Variants in LRP1B observed in about 807,000 individuals in gnomAD.
The protein encoded by LRP1B is LDL receptor related protein 1B.
Under a neutral mutation model 556.6 loss-of-function variants are expected in LRP1B, and 217 were observed. The observed-to-expected ratio is 0.39, with a 90% CI of 0.35 to 0.44. LRP1B has a LOEUF of 0.44. Among genes scored for constraint, LRP1B ranks in the 20% least tolerant of loss-of-function variants. The pLI is 1.00. For synonymous variants in LRP1B, 2,047 were observed against 1,865.8 expected (o/e 1.10, Z -2.50); for missense variants, 5,053 against 5,620.8 (o/e 0.90, Z 3.23).
chr2:141,820,886 T>C (rs1171668901), intron 1 of LRP1B, among the ~76,000 whole-genome samples: 2 of 152,356 alleles, frequency 1.3e-5, no homozygotes, highest in African/African-American at 4.8e-5. Context: ...TCCTGGAATC[T>C]GTGAATATGT....
In LRP1B at chr2:141,880,012, C is replaced by T. The variant is rs114799579; in HGVS notation, c.83-69611G>A. On this transcript the variant is annotated intron_variant, in intron 1 of 90. Coordinates refer to ENST00000389484, the MANE Select transcript of LRP1B (RefSeq NM_018557.3). Reference sequence around the variant, plus strand: ...TCTTCTATTGCCTTAAAATTCTATACCCTCCCATACTTCAGCTAATAACCT... The same window carrying T: ...TCTTCTATTGCCTTAAAATTCTATATCCTCCCATACTTCAGCTAATAACCT... Among the ~76,000 whole-genome samples the T allele has an allele frequency of 5.7e-3, 853 of 150,680 alleles. 5 individuals carry two copies. The highest frequency in any genetic ancestry group is 9.3e-3 in the Non-Finnish European group (629 of 67,534).
intron 2 of LRP1B, among the ~76,000 whole-genome samples, chr2:141,753,601 T>C (rs1460829867): frequency 1.3e-5 from 2 of 151,990 alleles, no homozygotes; most frequent in African/African-American, 4.8e-5. Context: ...TCTTTCACTA[T>C]TTCCCTCTCT....
At chr2:141,228,670 A>C (rs1683347674) in intron 6 of LRP1B, among the ~76,000 whole-genome samples, 1 of 152,008 alleles carries the variant, frequency 6.6e-6, no homozygotes, top group East Asian at 1.9e-4. Flanking sequence ...ACAGTCTGTC[A>C]AGTTTCTGAC....
intron 2 of LRP1B, among the ~76,000 whole-genome samples, chr2:141,757,564 A>T (rs1694368212): frequency 6.6e-6 from 1 of 151,828 alleles, no homozygotes; most frequent in African/African-American, 2.4e-5. Flanking sequence ...ACTATAACTA[A>T]TTTTTTTTGA....
intron 18 of LRP1B, among the ~76,000 whole-genome samples, chr2:140,970,714 C>CTTTTT (rs571691521): frequency 5.7e-4 from 7 of 12,240 alleles, no homozygotes; most frequent in East Asian, 2.0e-3. Flanking sequence ...ATTTTTTAAC[C>CTTTTT]TTTTTTTTTT....
intron 21 of LRP1B, among the ~76,000 whole-genome samples, chr2:140,912,710 A>G (rs4638731): frequency 0.97 from 147,368 of 151,610 alleles, 71,775 homozygotes; most frequent in East Asian, 1. Context: ...AAATAAGAAT[A>G]GATAAGTAAC....
chr2:141,829,371 A>C (rs1697037930), intron 1 of LRP1B, among the ~76,000 whole-genome samples: 1 of 152,134 alleles, frequency 6.6e-6, no homozygotes, highest in Admixed American at 6.5e-5. Flanking sequence ...TATGAATTAC[A>C]GGAAAAAATA....
intron 1 of LRP1B, among the ~76,000 whole-genome samples, chr2:142,058,510 A>G (rs1704762630): frequency 1.3e-5 from 2 of 152,118 alleles, no homozygotes; most frequent in South Asian, 4.1e-4. Flanking sequence ...GTGGCCTGAA[A>G]CAAATTCAAA....
At chr2:141,393,115 T>C (rs1187348565) in intron 3 of LRP1B, among the ~76,000 whole-genome samples, 2 of 152,142 alleles carry the variant, frequency 1.3e-5, no homozygotes, top group Non-Finnish European at 2.9e-5. Context: ...AAGATTATAT[T>C]GGGCAGAAGC....
At chr2:141,130,217 A>C (rs1008621207) in intron 7 of LRP1B, among the ~76,000 whole-genome samples, 1 of 152,102 alleles carries the variant, frequency 6.6e-6, no homozygotes, top group Non-Finnish European at 1.5e-5. Context: ...ACAAACATTC[A>C]TAACACATAT....
Position 140,811,921 on chromosome 2 carries a change from G to T in LRP1B, c.5359+1736C>A, listed in dbSNP as rs1690941140. On this transcript the variant is annotated intron_variant, in intron 32 of 90. Coordinates refer to ENST00000389484, the MANE Select transcript of LRP1B (RefSeq NM_018557.3). The stretch of plus-strand genomic sequence containing the variant: ...ATGCTCTATAAATAGCACAGAAATT[G>T]CCCAAAGACTCAAAAGAAAATTGGA... Among the ~76,000 whole-genome samples the T allele has an allele frequency of 2.6e-5, 4 of 152,030 alleles. No homozygotes were observed. The South Asian group carries it at 8.3e-4, about 32-fold the overall frequency.
At chr2:140,352,905 T>G (rs764509244) in intron 76 of LRP1B, 48 bp downstream of exon 76, 1 of 1,555,876 alleles carries the variant, frequency 6.4e-7, no homozygotes, top group Admixed American at 2.0e-5. Flanking sequence ...CCATAAAATG[T>G]TTACAACAAA....
chr2:140,818,340 T>G (rs1301035975), intron 31 of LRP1B, among the ~76,000 whole-genome samples: 3 of 152,210 alleles, frequency 2.0e-5, no homozygotes, highest in Admixed American at 1.3e-4. Context: ...CTTCTGGGAC[T>G]GTGAAAGTTC....
chr2:141,031,539 T>A (rs2105415015), intron 11 of LRP1B, among the ~76,000 whole-genome samples: 1 of 152,080 alleles, frequency 6.6e-6, no homozygotes, highest in South Asian at 2.1e-4. Flanking sequence ...ATCAAAATGC[T>A]ATATAGGCGA....
chr2:141,956,634 T>C (rs1162513268), intron 1 of LRP1B, among the ~76,000 whole-genome samples: 1 of 152,130 alleles, frequency 6.6e-6, no homozygotes, highest in Non-Finnish European at 1.5e-5. Context: ...TTTTTTGTAG[T>C]ATAGATATTT....
intron 18 of LRP1B, among the ~76,000 whole-genome samples, chr2:140,959,978 T>G (rs141528057): frequency 6.6e-6 from 1 of 151,676 alleles, no homozygotes; most frequent in East Asian, 1.9e-4. Flanking sequence ...CTGGGGTACT[T>G]TTCGTTCAGT....
chr2:141,575,839 G>GA (rs954628389), intron 2 of LRP1B, among the ~76,000 whole-genome samples: 9 of 151,414 alleles, frequency 5.9e-5, no homozygotes, highest in African/African-American at 2.2e-4. Flanking sequence ...GGCAACATGT[G>GA]AAAAAAAGCT....
chr2:141,455,315 GATT>G (rs1681589712), intron 3 of LRP1B, among the ~76,000 whole-genome samples: 1 of 151,090 alleles, frequency 6.6e-6, no homozygotes, highest in Admixed American at 6.6e-5. Flanking sequence ...CCTACAAGTT[GATT>G]TGCAAGTTTT....
chr2:141,127,140 G>A (rs1266592036), intron 7 of LRP1B, among the ~76,000 whole-genome samples: 5 of 152,002 alleles, frequency 3.3e-5, no homozygotes, highest in African/African-American at 1.2e-4. Flanking sequence ...TTAGCTTGCT[G>A]AGAATGATGG....
Sources: gnomAD v4.1 joint callset for allele counts (sites outside exome capture counted in the v4.1 genomes callset) on GRCh38, gnomAD v4.1.1 for gene constraint, MANE v1.5 for transcripts, NCBI Gene and HGNC (gene_info 2026-07-23, HGNC 2026-07-21) for gene names.